The following ST6GALNAC3 variants were observed in gnomAD, a reference collection of about 807,000 sequenced individuals.
ST6GALNAC3 encodes the protein alpha-N-acetylgalactosaminide alpha-2,6-sialyltransferase 3.
A neutral mutation model predicts 32.7 loss-of-function variants in ST6GALNAC3; 25 were observed. The ratio of observed to expected loss-of-function variants is 0.76; its 90% CI spans 0.56 to 1.07. ST6GALNAC3 has a LOEUF of 1.07. Among genes scored for constraint, ST6GALNAC3 ranks in the 50% least tolerant of loss-of-function variants. The pLI is 0.00. For synonymous variants in ST6GALNAC3, 129 were observed against 133.1 expected (o/e 0.97, Z 0.21); for missense variants, 355 against 382.4 (o/e 0.93, Z 0.60).
At chr1:76,457,192 G>A (rs538346569) in intron 3 of ST6GALNAC3, among the ~76,000 whole-genome samples, 1 of 151,100 alleles carries the variant, frequency 6.6e-6, no homozygotes. Flanking sequence ...CACTGCTCAA[G>A]GAAATAAAAG....
intron 3 of ST6GALNAC3, among the ~76,000 whole-genome samples, chr1:76,490,620 C>T (rs1216840561): frequency 6.6e-6 from 1 of 151,702 alleles, no homozygotes; most frequent in East Asian, 1.9e-4. Flanking sequence ...TTCTCTGCTC[C>T]TGGATGAATA....
chr1:76,104,173 T>C (rs1391126851), intron 1 of ST6GALNAC3, among the ~76,000 whole-genome samples: 1 of 152,190 alleles, frequency 6.6e-6, no homozygotes, highest in Non-Finnish European at 1.5e-5. Flanking sequence ...TGTCTTCTTA[T>C]CTCCTTATGT....
intron 2 of ST6GALNAC3, among the ~76,000 whole-genome samples, chr1:76,364,113 A>G (rs1650179961): frequency 6.6e-6 from 1 of 152,228 alleles, no homozygotes; most frequent in African/African-American, 2.4e-5. Flanking sequence ...AGTCAGTACA[A>G]GGAACGTATA....
chr1:76,575,868 G>A (rs11162180), intron 3 of ST6GALNAC3, among the ~76,000 whole-genome samples: 68,763 of 151,734 alleles, frequency 0.45, 16,939 homozygotes, highest in East Asian at 0.58. Flanking sequence ...TAAAAGCTGT[G>A]TGTCAGATCC....
chr1:76,463,541 T>C (rs766034123), intron 3 of ST6GALNAC3, among the ~76,000 whole-genome samples: 3 of 152,142 alleles, frequency 2.0e-5, no homozygotes, highest in African/African-American at 4.8e-5. Flanking sequence ...AATACTAAAG[T>C]GAATACCAAG....
chr1:76,327,277 T>TGC (rs1647093561), intron 2 of ST6GALNAC3, among the ~76,000 whole-genome samples: 1 of 33,224 alleles, frequency 3.0e-5, no homozygotes, highest in Admixed American at 1.9e-4. Context: ...TATATATGCG[T>TGC]GTGTGTGTGT....
chr1:76,159,474 G>A (rs948836060), intron 1 of ST6GALNAC3, among the ~76,000 whole-genome samples: 5 of 152,180 alleles, frequency 3.3e-5, no homozygotes, highest in African/African-American at 7.2e-5. Context: ...ATGAGCCACC[G>A]CACCCGGTCT....
intron 3 of ST6GALNAC3, among the ~76,000 whole-genome samples, chr1:76,578,119 T>C (rs1646838008): frequency 6.6e-6 from 1 of 152,054 alleles, no homozygotes; most frequent in Non-Finnish European, 1.5e-5. Flanking sequence ...AATTAGAATA[T>C]CCATTTTGAG....
At chr1:76,168,696 A>G (rs981485612) in intron 1 of ST6GALNAC3, among the ~76,000 whole-genome samples, 6 of 152,134 alleles carry the variant, frequency 3.9e-5, no homozygotes, top group African/African-American at 1.4e-4. Flanking sequence ...CTTCTTGTTG[A>G]ATTGAACCCT....
intron 1 of ST6GALNAC3, among the ~76,000 whole-genome samples, chr1:76,076,588 A>T (rs1357776312): frequency 6.6e-6 from 1 of 152,248 alleles, no homozygotes; most frequent in Non-Finnish European, 1.5e-5. Flanking sequence ...TGGGAATGAA[A>T]TAAGATAGGG....
At chr1:76,533,734 A>C (rs1027836990) in intron 3 of ST6GALNAC3, among the ~76,000 whole-genome samples, 2 of 152,100 alleles carry the variant, frequency 1.3e-5, no homozygotes, top group East Asian at 3.9e-4. Context: ...TACTGTATCT[A>C]TCCCAGGATA....
chr1:76,458,694 A>C (rs1391743734), intron 3 of ST6GALNAC3, among the ~76,000 whole-genome samples: 1 of 136,460 alleles, frequency 7.3e-6, no homozygotes, highest in African/African-American at 2.8e-5. Context: ...ATGAGAACAC[A>C]TGGACACAGG....
intron 3 of ST6GALNAC3, among the ~76,000 whole-genome samples, chr1:76,562,055 G>A (rs1442725642): frequency 6.6e-6 from 1 of 152,146 alleles, no homozygotes; most frequent in Non-Finnish European, 1.5e-5. Flanking sequence ...CATCTATGGA[G>A]ATAGTAGTTT....
intron 3 of ST6GALNAC3, among the ~76,000 whole-genome samples, chr1:76,489,547 G>A (rs1660357282): frequency 6.6e-6 from 1 of 151,996 alleles, no homozygotes; most frequent in African/African-American, 2.4e-5. Context: ...CTGCATAATA[G>A]ACATCCTGAA....
intron 1 of ST6GALNAC3, among the ~76,000 whole-genome samples, chr1:76,209,623 A>G (rs1018337224): frequency 6.6e-6 from 1 of 152,198 alleles, no homozygotes; most frequent in Non-Finnish European, 1.5e-5. Context: ...AGCTTACTCG[A>G]CGGGAATCTT....
chr1:76,292,289 G>A (rs1237278254), intron 1 of ST6GALNAC3, among the ~76,000 whole-genome samples: 2 of 74,052 alleles, frequency 2.7e-5, no homozygotes, highest in Non-Finnish European at 8.3e-5. Flanking sequence ...TCAGTAGAGT[G>A]GGAAATGATA....
At chr1:76,583,636 G>T (rs1028205279) in intron 3 of ST6GALNAC3, among the ~76,000 whole-genome samples, 1 of 152,090 alleles carries the variant, frequency 6.6e-6, no homozygotes, top group African/African-American at 2.4e-5. Context: ...AAAAATGAAA[G>T]AGTGCCTGCC....
At chr1:76,441,088 CAA>C (rs397980569) in intron 3 of ST6GALNAC3, among the ~76,000 whole-genome samples, 38 of 90,260 alleles carry the variant, frequency 4.2e-4, no homozygotes, top group East Asian at 6.6e-4. Context: ...ACTATGTCTC[CAA>C]AAAAAAAAAA....
At chr1:76,273,612 G>A (rs1390756497) in intron 1 of ST6GALNAC3, among the ~76,000 whole-genome samples, 1 of 152,058 alleles carries the variant, frequency 6.6e-6, no homozygotes, top group Non-Finnish European at 1.5e-5. Flanking sequence ...ATTGGTAAAG[G>A]TTAAATAAAA....
Sources: allele counts gnomAD v4.1 joint callset (sites outside exome capture counted in the v4.1 genomes callset), GRCh38; gene constraint gnomAD v4.1.1; transcripts MANE v1.5; gene names NCBI Gene and HGNC (gene_info 2026-07-23, HGNC 2026-07-21).